ATP10B: variants seen among roughly 807,000 people sequenced by gnomAD.
ATP10B encodes the protein phospholipid-transporting ATPase VB.
Under a neutral mutation model 141.2 loss-of-function variants are expected in ATP10B, and 122 were observed. That is an observed-to-expected ratio of 0.86 (90% CI 0.75 to 1.00). The LOEUF (loss-of-function observed/expected upper bound fraction) is 1.00, where lower values mean the gene tolerates loss of function less well. Among genes scored for constraint, ATP10B ranks in the 50% least tolerant of loss-of-function variants. ATP10B has a pLI of 0.00. For synonymous variants in ATP10B, 685 were observed against 692.0 expected (o/e 0.99, Z 0.16); for missense variants, 1,876 against 1,825.3 (o/e 1.03, Z -0.51).
chr5:160,745,457 A>G (rs561508325), intron 2 of ATP10B, among the ~76,000 whole-genome samples: 2 of 152,230 alleles, frequency 1.3e-5, no homozygotes, highest in South Asian at 4.1e-4. Flanking sequence ...TCTCTTCTTT[A>G]CCTTTCATAT....
At chr5:160,698,799 T>A (rs1764517540) in intron 3 of ATP10B, among the ~76,000 whole-genome samples, 1 of 152,184 alleles carries the variant, frequency 6.6e-6, no homozygotes, top group Admixed American at 6.5e-5. Flanking sequence ...CACAGTTGAC[T>A]GAGAAGGACA....
the ATP10B span, among the ~76,000 whole-genome samples, chr5:160,921,869 C>T: frequency 6.6e-6 from 1 of 152,168 alleles, no homozygotes; most frequent in African/African-American, 2.4e-5. Context: ...TGACTTATAC[C>T]CGCAGGCAGC....
At chr5:160,824,963 C>A (rs1561896876) in intron 1 of ATP10B, among the ~76,000 whole-genome samples, 1 of 151,716 alleles carries the variant, frequency 6.6e-6, no homozygotes, top group African/African-American at 2.4e-5. Context: ...TCCTTAAACT[C>A]TTTTTTTTAA....
At chr5:160,676,157 G>A (rs1040273878) in intron 6 of ATP10B, among the ~76,000 whole-genome samples, 2 of 152,154 alleles carry the variant, frequency 1.3e-5, no homozygotes, top group African/African-American at 2.4e-5. Context: ...TGAAGCCCCA[G>A]GTCTGGGGAT....
chr5:160,773,547 G>A (rs753541464), intron 2 of ATP10B, among the ~76,000 whole-genome samples: 1 of 152,166 alleles, frequency 6.6e-6, no homozygotes, highest in Non-Finnish European at 1.5e-5. Context: ...TATGCTATTT[G>A]TTAGGTATAT....
chr5:160,772,479 TGGCATCA>T (rs1252096286), intron 2 of ATP10B, among the ~76,000 whole-genome samples: 4 of 152,204 alleles, frequency 2.6e-5, no homozygotes, highest in African/African-American at 9.7e-5. Context: ...CCCAACCTTT[TGGCATCA>T]GGTACCAGTT....
At chr5:160,886,199 T>C in the ATP10B span, among the ~76,000 whole-genome samples, 2 of 152,176 alleles carry the variant, frequency 1.3e-5, no homozygotes, top group East Asian at 3.9e-4. Context: ...AGCAAGGACA[T>C]GAGAAACAAA....
At chr5:160,849,632 C>A (rs1223908677) in intron 1 of ATP10B, among the ~76,000 whole-genome samples, 1 of 151,934 alleles carries the variant, frequency 6.6e-6, no homozygotes, top group Non-Finnish European at 1.5e-5. Context: ...CACACACACA[C>A]ACACACACAC....
chr5:160,858,002 A>G, the ATP10B span, among the ~76,000 whole-genome samples: 1 of 151,698 alleles, frequency 6.6e-6, no homozygotes, highest in Non-Finnish European at 1.5e-5. Context: ...AGTATTCTAC[A>G]ATTGTCTATT....
At chr5:160,788,596 G>A (rs567049693) in intron 1 of ATP10B, among the ~76,000 whole-genome samples, 2 of 152,220 alleles carry the variant, frequency 1.3e-5, no homozygotes, top group Non-Finnish European at 2.9e-5. Context: ...CCAGAGGGTG[G>A]CTGTCAACTC....
intron 7 of ATP10B, among the ~76,000 whole-genome samples, chr5:160,649,835 T>C (rs1192232063): frequency 6.6e-6 from 1 of 151,924 alleles, no homozygotes; most frequent in Non-Finnish European, 1.5e-5. Flanking sequence ...ATATATCCAT[T>C]AGCCAGGCAT....
At chr5:160,815,604 A>G (rs989553841) in intron 1 of ATP10B, among the ~76,000 whole-genome samples, 1 of 152,184 alleles carries the variant, frequency 6.6e-6, no homozygotes, top group Admixed American at 6.5e-5. Context: ...AGACAGATCA[A>G]CGAGACAGAA....
chr5:160,871,223 C>CAT, the ATP10B span, among the ~76,000 whole-genome samples: 1 of 151,716 alleles, frequency 6.6e-6, no homozygotes, highest in Non-Finnish European at 1.5e-5. Context: ...TGCTTTATTC[C>CAT]ATATATATGT....
chr5:160,658,889 A>T (rs562946133), intron 7 of ATP10B, among the ~76,000 whole-genome samples: 1 of 152,284 alleles, frequency 6.6e-6, no homozygotes, highest in South Asian at 2.1e-4. Flanking sequence ...AATAAATTTA[A>T]TTTTTTGTCC....
rs1699783794 is a variant in ATP10B at position 160,564,756 on chromosome 5, G to A, written c.*697C>T. The A allele has an allele frequency of 6.6e-6, 1 of 152,186 alleles. No homozygotes were observed. The highest frequency in any genetic ancestry group is 6.5e-5 in the Admixed American group (1 of 15,280). 9.4% of individuals were successfully genotyped at this position (152,186 alleles called of 1,614,324 possible). A position where few individuals can be genotyped will look rare whatever the true frequency, so the allele number is the denominator to read the frequency against. Reference sequence around the variant, plus strand: ...CTGTCAGCCAAAACAGGGGTCTCTGGTGCACCCGTTCCCTTTTGCATGTCT... The same window carrying A: ...CTGTCAGCCAAAACAGGGGTCTCTGATGCACCCGTTCCCTTTTGCATGTCT... On this transcript the variant is annotated 3_prime_UTR_variant, in exon 26 of 26. Transcript: ENST00000327245.
intron 1 of ATP10B, among the ~76,000 whole-genome samples, chr5:160,811,590 C>G (rs1437563266): frequency 6.6e-6 from 1 of 152,098 alleles, no homozygotes; most frequent in Admixed American, 6.5e-5. Context: ...TGGCCATTTC[C>G]CCCTCTTCCT....
At chr5:160,594,316 T>A (rs1756527331) in intron 22 of ATP10B, among the ~76,000 whole-genome samples, 1 of 152,074 alleles carries the variant, frequency 6.6e-6, no homozygotes, top group Non-Finnish European at 1.5e-5. Context: ...AGAAATAAAA[T>A]CCGTTACAGA....
intron 19 of ATP10B, among the ~76,000 whole-genome samples, chr5:160,604,464 T>G (rs897079730): frequency 1.6e-4 from 25 of 152,142 alleles, no homozygotes; most frequent in Admixed American, 1.6e-3. Flanking sequence ...ACTCATATCT[T>G]TCAGATTCCA....
chr5:160,745,498 T>C (rs1767750956), intron 2 of ATP10B, among the ~76,000 whole-genome samples: 1 of 152,218 alleles, frequency 6.6e-6, no homozygotes, highest in Non-Finnish European at 1.5e-5. Flanking sequence ...CTCCAGGCAT[T>C]TGCATTCATC....
Sources: allele counts gnomAD v4.1 joint callset (sites outside exome capture counted in the v4.1 genomes callset), GRCh38; gene constraint gnomAD v4.1.1; transcripts MANE v1.5; gene names NCBI Gene and HGNC (gene_info 2026-07-23, HGNC 2026-07-21).